SORCS2: variants seen among roughly 807,000 people sequenced by gnomAD.
SORCS2 encodes VPS10 domain-containing receptor SorCS2.
Under a neutral mutation model 141.6 loss-of-function variants are expected in SORCS2, and 100 were observed. The observed-to-expected ratio is 0.71, with a 90% CI of 0.60 to 0.83. SORCS2 has a LOEUF of 0.83. Among genes scored for constraint, SORCS2 ranks in the 40% least tolerant of loss-of-function variants. The pLI is 0.00. For missense variants in SORCS2, 1,646 were observed against 1,560.2 expected, an observed-to-expected ratio of 1.05 and a Z score of -0.93; for synonymous variants, 789 against 676.9, an observed-to-expected ratio of 1.17 and a Z score of -2.57.
chr4:7,461,351 C>T (rs952141326), intron 2 of SORCS2, among the ~76,000 whole-genome samples: 6 of 152,304 alleles, frequency 3.9e-5, no homozygotes, highest in Non-Finnish European at 4.4e-5. Context: ...CCCAAAGTCC[C>T]GCCTCACCAG....
At chr4:7,621,740 G>C (rs1719207839) in intron 3 of SORCS2, among the ~76,000 whole-genome samples, 1 of 152,202 alleles carries the variant, frequency 6.6e-6, no homozygotes. Context: ...CAGGTTGCCG[G>C]GGTGTGGCAC....
intron 3 of SORCS2, among the ~76,000 whole-genome samples, chr4:7,546,414 C>T (rs915915665): frequency 6.6e-5 from 10 of 152,192 alleles, no homozygotes; most frequent in Non-Finnish European, 7.3e-5. Flanking sequence ...TTCTCCTCTG[C>T]GCTGCCCCCC....
intron 3 of SORCS2, among the ~76,000 whole-genome samples, chr4:7,543,482 CCCACTCAT>C (rs1560372463): frequency 1.0e-5 from 1 of 98,070 alleles, no homozygotes; most frequent in Non-Finnish European, 2.1e-5. Context: ...CATCCATTCA[CCCACTCAT>C]CCATCCATCC....
At chr4:7,221,113 A>G (rs1193242533) in intron 1 of SORCS2, among the ~76,000 whole-genome samples, 1 of 152,000 alleles carries the variant, frequency 6.6e-6, no homozygotes, top group Non-Finnish European at 1.5e-5. Flanking sequence ...TGCCCTTCAT[A>G]CTCACAGAGC....
At chr4:7,211,220 CGGGAGGGAGGGA>C (rs5855950) in intron 1 of SORCS2, among the ~76,000 whole-genome samples, 1 of 137,094 alleles carries the variant, frequency 7.3e-6, no homozygotes, top group African/African-American at 2.8e-5. Flanking sequence ...AGCAGGAGAG[CGGGAGGGAGGGA>C]GGGAGGGAGG....
intron 2 of SORCS2, among the ~76,000 whole-genome samples, chr4:7,521,264 G>A (rs1233406781): frequency 6.6e-6 from 1 of 152,076 alleles, no homozygotes; most frequent in African/African-American, 2.4e-5. Flanking sequence ...TGGGTCGTGG[G>A]TTCAGATCCT....
chr4:7,331,806 A>C (rs758605536), intron 1 of SORCS2, among the ~76,000 whole-genome samples: 1 of 152,164 alleles, frequency 6.6e-6, no homozygotes, highest in Non-Finnish European at 1.5e-5. Flanking sequence ...ACCTCCTGTG[A>C]GCCCTGGACC....
intron 1 of SORCS2, among the ~76,000 whole-genome samples, chr4:7,194,908 T>A (rs1727078464): frequency 6.6e-6 from 1 of 152,096 alleles, no homozygotes; most frequent in Non-Finnish European, 1.5e-5. Context: ...TGCCCCTTTG[T>A]CATTTAGCTT....
At chr4:7,402,195 T>A (rs896541258) in intron 2 of SORCS2, among the ~76,000 whole-genome samples, 13 of 152,302 alleles carry the variant, frequency 8.5e-5, no homozygotes, top group African/African-American at 2.4e-4. Flanking sequence ...TTTCCATATA[T>A]GTTTGGAATT....
chr4:7,558,703 C>T (rs1351227337), intron 3 of SORCS2, among the ~76,000 whole-genome samples: 2 of 152,220 alleles, frequency 1.3e-5, no homozygotes, highest in Non-Finnish European at 2.9e-5. Context: ...CATGGTGGGT[C>T]TGCAAGTTCA....
At chr4:7,353,659 C>G in intron 1 of SORCS2, among the ~76,000 whole-genome samples, 1 of 152,258 alleles carries the variant, frequency 6.6e-6, no homozygotes, top group African/African-American at 2.4e-5. Context: ...ACAGGTGAAA[C>G]GATGGCCCCC....
intron 3 of SORCS2, among the ~76,000 whole-genome samples, chr4:7,576,716 G>A (rs115854953): frequency 0.035 from 5,306 of 152,264 alleles, 123 homozygotes; most frequent in Non-Finnish European, 0.038. Context: ...TGTGGGCGGG[G>A]AGGTTCCTGG....
intron 2 of SORCS2, among the ~76,000 whole-genome samples, chr4:7,420,084 T>C (rs1725938117): frequency 6.6e-6 from 1 of 152,210 alleles, no homozygotes; most frequent in Admixed American, 6.5e-5. Flanking sequence ...CACAGAGGAC[T>C]TCCAGCCACA....
intron 2 of SORCS2, among the ~76,000 whole-genome samples, chr4:7,457,066 G>C (rs1363641820): frequency 6.6e-6 from 1 of 152,150 alleles, no homozygotes; most frequent in Non-Finnish European, 1.5e-5. Flanking sequence ...TGACATTCCA[G>C]AATTCCTCAG....
intron 3 of SORCS2, among the ~76,000 whole-genome samples, chr4:7,563,578 G>C (rs1211170673): frequency 3.9e-5 from 6 of 152,154 alleles, no homozygotes. Context: ...GGGTTTGGAG[G>C]GGAATCTGAC....
chr4:7,280,211 C>G (rs1296379700), intron 1 of SORCS2, among the ~76,000 whole-genome samples: 1 of 152,064 alleles, frequency 6.6e-6, no homozygotes, highest in Non-Finnish European at 1.5e-5. Flanking sequence ...CCCGGGTACC[C>G]ACAGAGAAAC....
rs767231563 is a variant in SORCS2 at position 7,233,358 on chromosome 4, G to A, written c.480+40232G>A. Reference sequence around the variant, plus strand: ...ATCATGATGACGTCTCCTGGCCACCGCTGAGCACCTGCTCCAGGGCAGACG... The same window carrying A: ...ATCATGATGACGTCTCCTGGCCACCACTGAGCACCTGCTCCAGGGCAGACG... On this transcript the variant is annotated intron_variant, in intron 1 of 26. Transcript: ENST00000507866. This position sits in a 1 kb window ranked among gnomAD's most constrained non-coding sequence, Gnocchi z 4.5. Among the ~76,000 whole-genome samples, 99 of 152,168 alleles carry A rather than the reference G, an allele frequency of 6.5e-4. No homozygotes were observed. Among genetic ancestry groups the A allele is most frequent in the Non-Finnish European group, 1.1e-3 (74 of 68,026 alleles).
chr4:7,312,166 C>T (rs957298603), intron 1 of SORCS2, among the ~76,000 whole-genome samples: 2 of 152,216 alleles, frequency 1.3e-5, no homozygotes, highest in Non-Finnish European at 2.9e-5. Flanking sequence ...TGAGCCACCG[C>T]ACCCAGCCGT....
Position 7,725,393 on chromosome 4 carries a change from A to T in SORCS2, c.2745+106A>T, listed in dbSNP as rs1355792405. 2.8e-6 allele frequency: 4 copies of T among 1,448,868 alleles called. No homozygotes were observed. In the East Asian group the frequency reaches 9.9e-5, roughly 36 times the overall value. The allele number at this position is 1,448,868 out of a possible 1,614,324, so 89.8% of individuals were successfully genotyped here. The stretch of plus-strand genomic sequence containing the variant: ...GGTTTTCAGCAGAAGGAACCAGTGT[A>T]GGGTGCACTCCTCACCCTTGGGCCC... On this transcript the variant is annotated intron_variant, in intron 20 of 26. Transcript: ENST00000507866.
Sources: gnomAD v4.1 joint callset for allele counts (sites outside exome capture counted in the v4.1 genomes callset) on GRCh38, gnomAD v4.1.1 for gene constraint, Gnocchi (gnomAD v3.1) non-coding constraint, MANE v1.5 for transcripts, NCBI Gene and HGNC (gene_info 2026-07-23, HGNC 2026-07-21) for gene names.